Variants in TG observed in about 807,000 individuals in gnomAD.
TG encodes thyroglobulin, also known as thyroid hormones.
Under a neutral mutation model 324.7 loss-of-function variants are expected in TG, and 270 were observed. The ratio of observed to expected loss-of-function variants is 0.83; its 90% CI spans 0.75 to 0.92. The LOEUF is 0.92. Ranked by LOEUF, TG falls within the 40% of genes least tolerant of loss-of-function variation. The pLI, the probability that TG is intolerant of heterozygous loss-of-function variation, is 0.00. For missense variants in TG, 3,591 were observed against 3,456.4 expected, an observed-to-expected ratio of 1.04 and a Z score of -0.98; for synonymous variants, 1,401 against 1,327.0, an observed-to-expected ratio of 1.06 and a Z score of -1.21.
Position 132,923,782 on chromosome 8 carries a change from G to A in TG, c.4699+274G>A, listed in dbSNP as rs1821437217. Among the ~76,000 whole-genome samples, 3 of 152,092 alleles carry A rather than the reference G, an allele frequency of 2.0e-5. No homozygotes were observed. In the South Asian group the frequency reaches 6.2e-4, roughly 32 times the overall value. ...CCCTTACTTCTAAGTACTTCAGCAT[G>A]CACAAGAGATGAATTTTTATATTAA... On this transcript the variant is annotated intron_variant, in intron 22 of 47. Coordinates refer to ENST00000220616, the MANE Select transcript of TG (RefSeq NM_003235.5).
chr8:132,927,072 C>T (rs528222874), intron 22 of TG, among the ~76,000 whole-genome samples: 1 of 152,308 alleles, frequency 6.6e-6, no homozygotes, highest in Admixed American at 6.5e-5. Flanking sequence ...TCAACCTATG[C>T]TGAAGATTTC....
chr8:132,894,020 G>C (rs557442506), intron 11 of TG, 91 bp downstream of exon 11: 1 of 1,601,450 alleles, frequency 6.2e-7, no homozygotes, highest in Non-Finnish European at 8.5e-7. Flanking sequence ...TTAGGACTTT[G>C]TGGTTTGGCT....
At chr8:132,935,968 G>T in intron 25 of TG, 104 bp downstream of exon 25, 1 of 848,532 alleles carries the variant, frequency 1.2e-6, no homozygotes, top group African/African-American at 1.7e-5. Context: ...AGACTGTCCC[G>T]CTCCCCACTC....
chr8:132,933,434 T>TTGTGTGTGTGTG lies in TG; in HGVS notation c.4817-107_4817-96dup, dbSNP rs370957018. 8.5e-4 allele frequency: 576 copies of TTGTGTGTGTGTG among 681,592 alleles called. 1 individual carries two copies. Among genetic ancestry groups the TTGTGTGTGTGTG allele is most frequent in the Middle Eastern group, 3.7e-3 (10 of 2,692 alleles). 42.2% of individuals were successfully genotyped at this position (681,592 alleles called of 1,614,324 possible). A position where few individuals can be genotyped will look rare whatever the true frequency, so the allele number is the denominator to read the frequency against. Reference sequence around the variant, plus strand: ...TGTGTGTATTTGTGTATCTGCATATTTGTGTGTGTGTGTGTGTGTGTGTGT... The same window carrying TTGTGTGTGTGTG: ...TGTGTGTATTTGTGTATCTGCATATTTGTGTGTGTGTGTGTGTGTGTGTGTGTGTGTGTGTGT... On this transcript the variant is annotated intron_variant, in intron 23 of 47. Coordinates refer to ENST00000220616, the MANE Select transcript of TG (RefSeq NM_003235.5).
At chr8:133,026,343 A>G (rs1236450077) in intron 40 of TG, among the ~76,000 whole-genome samples, 1 of 152,222 alleles carries the variant, frequency 6.6e-6, no homozygotes, top group African/African-American at 2.4e-5. Context: ...CCCACTAGAC[A>G]AACGCATGCT....
chr8:133,134,663 CCCTCTGTTTCAGATGGAG>C lies in TG; in HGVS notation c.8189-10_8196del, dbSNP rs764764237. 3.1e-6 allele frequency: 5 copies of C among 1,612,084 alleles called. No homozygotes were observed. In the African/African-American group the frequency reaches 6.7e-5, roughly 22 times the overall value. Reference sequence around the variant, plus strand: ...TCTGGCTTGGACCAACCTTCCTTGCCCCTCTGTTTCAGATGGAGCCAAGGGCGGGCAGTCAGCAGAGAG... The same window carrying C: ...TCTGGCTTGGACCAACCTTCCTTGCCCCAAGGGCGGGCAGTCAGCAGAGAG... On this transcript the variant is annotated splice_acceptor_variant and splice_polypyrimidine_tract_variant and coding_sequence_variant and intron_variant, in exon 48 of 48. Transcript: ENST00000220616. LOFTEE classifies it high-confidence loss of function.
At chr8:133,063,452 ATTC>A (rs1488445305) in intron 41 of TG, 1 of 151,930 alleles carries the variant, frequency 6.6e-6, no homozygotes, top group Non-Finnish European at 1.5e-5. Context: ...CAGCTCTATC[ATTC>A]TTCTCAAGCA....
intron 29 of TG, among the ~76,000 whole-genome samples, chr8:132,963,828 G>GA (rs561623627): frequency 9.2e-5 from 14 of 151,952 alleles, no homozygotes; most frequent in Middle Eastern, 6.8e-3. Flanking sequence ...TGGTACAGGG[G>GA]AAAAAAACGT....
chr8:132,977,737 C>A (rs1488951980), intron 34 of TG, among the ~76,000 whole-genome samples: 3 of 152,198 alleles, frequency 2.0e-5, no homozygotes, highest in Non-Finnish European at 4.4e-5. Context: ...ATGATTCAAT[C>A]ATCTCCCACC....
intron 45 of TG, among the ~76,000 whole-genome samples, chr8:133,124,593 C>T (rs1851382278): frequency 6.6e-6 from 1 of 152,176 alleles, no homozygotes; most frequent in African/African-American, 2.4e-5. Context: ...ATATCTACTT[C>T]GTAGTATGAA....
chr8:132,910,699 C>T (rs1819388759), intron 18 of TG, among the ~76,000 whole-genome samples: 1 of 152,178 alleles, frequency 6.6e-6, no homozygotes, highest in Non-Finnish European at 1.5e-5. Flanking sequence ...TTGGACTTCT[C>T]AGCCTCCAGA....
chr8:133,062,714 C>T (rs573398200), intron 41 of TG, among the ~76,000 whole-genome samples: 2 of 152,012 alleles, frequency 1.3e-5, no homozygotes, highest in African/African-American at 2.4e-5. Context: ...CACAGGGTGT[C>T]GTACACAGGC....
intron 35 of TG, chr8:132,995,625 G>C: frequency 1.5e-6 from 1 of 648,024 alleles, no homozygotes; most frequent in Non-Finnish European, 1.9e-6. Flanking sequence ...GATGCTCTTA[G>C]GAGACCCAAT....
intron 41 of TG, among the ~76,000 whole-genome samples, chr8:133,079,842 G>A (rs1352732661): frequency 6.6e-6 from 1 of 152,008 alleles, no homozygotes; most frequent in African/African-American, 2.4e-5. Flanking sequence ...ATGACACTTG[G>A]TGCTATAAAA....
chr8:133,066,865 G>A (rs1329628154), intron 41 of TG, among the ~76,000 whole-genome samples: 1 of 152,214 alleles, frequency 6.6e-6, no homozygotes, highest in African/African-American at 2.4e-5. Context: ...GCTAGATCCC[G>A]TGCAGGGGCT....
At position 133,113,602 on chromosome 8, in the gene TG, C is replaced by A; in HGVS notation, c.7753C>A (p.Arg2585=). 6.2e-7 allele frequency: 1 copy of A among 1,613,776 alleles called. No individual in the cohort carries two copies. The highest frequency in any genetic ancestry group is 8.5e-7 in the Non-Finnish European group (1 of 1,179,872). Residue 2585 remains arginine, a splice_region_variant and synonymous_variant, in exon 44 of 48, where the codon CGG becomes AGG. Coordinates refer to ENST00000220616, the MANE Select transcript of TG (RefSeq NM_003235.5). The stretch of plus-strand genomic sequence containing the variant: ...CTCCCGGGCTCTGGAGAATGCCACC[C>A]GGTAAGCTAAGCTGCAGGAGGGTGC... ...SFSRALENAT[R]DYFIICPIID... is the part of the protein sequence containing the mutation.
chr8:132,872,002 G>A (rs2132050546), intron 4 of TG, among the ~76,000 whole-genome samples: 1 of 152,198 alleles, frequency 6.6e-6, no homozygotes, highest in African/African-American at 2.4e-5. Context: ...ATGTGTGTGT[G>A]TATCTCTTAG....
intron 16 of TG, among the ~76,000 whole-genome samples, chr8:132,902,112 A>G (rs1237130720): frequency 6.6e-6 from 1 of 152,114 alleles, no homozygotes; most frequent in Non-Finnish European, 1.5e-5. Flanking sequence ...CAGTCATTTT[A>G]AAAGTTATGT....
At chr8:132,998,914 A>G (rs1393254915) in intron 35 of TG, among the ~76,000 whole-genome samples, 1 of 152,148 alleles carries the variant, frequency 6.6e-6, no homozygotes, top group Non-Finnish European at 1.5e-5. Flanking sequence ...TGATGAAACC[A>G]CTCAAGATTT....
Sources: allele counts gnomAD v4.1 joint callset (sites outside exome capture counted in the v4.1 genomes callset), GRCh38; gene constraint gnomAD v4.1.1; transcripts MANE v1.5; gene names NCBI Gene and HGNC (gene_info 2026-07-23, HGNC 2026-07-21).